Variants in TLE1 observed in about 807,000 individuals in gnomAD.
TLE1 encodes the protein TLE family member 1, transcriptional corepressor, also known as transducin-like enhancer protein 1.
In TLE1, 21 loss-of-function variants were observed where a neutral mutation model predicts 89.8. The ratio of observed to expected loss-of-function variants is 0.23; its 90% CI spans 0.17 to 0.34. TLE1 has a LOEUF of 0.34. Ranked by LOEUF, TLE1 falls within the 10% of genes least tolerant of loss-of-function variation. TLE1 has a pLI of 1.00. For synonymous variants in TLE1, 447 were observed against 407.6 expected (o/e 1.10, Z -1.16); for missense variants, 795 against 1,031.2 (o/e 0.77, Z 3.14).
chr9:81,688,041 T>TA (rs936534526), intron 1 of TLE1, among the ~76,000 whole-genome samples, 176 bp downstream of exon 1: 6 of 151,540 alleles, frequency 4.0e-5, no homozygotes, highest in South Asian at 2.1e-4. Flanking sequence ...GGGAGAAAAT[T>TA]AAGAGTTTCG....
At chr9:81,643,068 G>C (rs141898955) in intron 6 of TLE1, among the ~76,000 whole-genome samples, 1 of 152,094 alleles carries the variant, frequency 6.6e-6, no homozygotes, top group Non-Finnish European at 1.5e-5. Flanking sequence ...GCTGCCTTGC[G>C]GGGTAGGGGA....
chr9:81,686,265 G>C (rs1248839328), intron 2 of TLE1, among the ~76,000 whole-genome samples: 1 of 152,168 alleles, frequency 6.6e-6, no homozygotes, highest in Non-Finnish European at 1.5e-5. Context: ...CTTAGGCATA[G>C]GCTGTGCCAT....
chr9:81,677,640 C>T (rs1588235463), intron 4 of TLE1, among the ~76,000 whole-genome samples: 2 of 151,820 alleles, frequency 1.3e-5, no homozygotes, highest in Admixed American at 1.3e-4. Context: ...GTACGTATAC[C>T]TAGACTAGTA....
At chr9:81,642,033 G>A (rs1449905803) in intron 6 of TLE1, among the ~76,000 whole-genome samples, 4 of 139,042 alleles carry the variant, frequency 2.9e-5, no homozygotes, top group African/African-American at 3.4e-5. Flanking sequence ...CAAAAAAAAA[G>A]AAAGAAAGAA....
intron 14 of TLE1, among the ~76,000 whole-genome samples, chr9:81,603,296 T>C (rs1255806549): frequency 1.3e-5 from 2 of 152,182 alleles, no homozygotes; most frequent in African/African-American, 4.8e-5. Flanking sequence ...AATTCTGCCT[T>C]GGATTTTGTG....
At chr9:81,683,856 C>G (rs1833924196) in intron 4 of TLE1, among the ~76,000 whole-genome samples, 1 of 152,014 alleles carries the variant, frequency 6.6e-6, no homozygotes. Flanking sequence ...CATTAGAAAA[C>G]TATTCTCACA....
At chr9:81,679,505 G>T (rs756300240) in intron 4 of TLE1, among the ~76,000 whole-genome samples, 4 of 151,448 alleles carry the variant, frequency 2.6e-5, no homozygotes, top group African/African-American at 4.9e-5. Flanking sequence ...ACCTCACGGG[G>T]AAAAAAAATC....
At chr9:81,643,244 GT>G (rs60666250) in intron 6 of TLE1, among the ~76,000 whole-genome samples, 32,532 of 147,558 alleles carry the variant, frequency 0.22, 3,975 homozygotes, top group East Asian at 0.48. Context: ...TTGTTTTTTG[GT>G]TTTTTTTTTT....
intron 6 of TLE1, among the ~76,000 whole-genome samples, chr9:81,637,028 A>T (rs11999172): frequency 2.0e-5 from 3 of 151,856 alleles, no homozygotes; most frequent in African/African-American, 4.8e-5. Flanking sequence ...AAAAAAGAAA[A>T]AAAAAGATTT....
rs140201906 is a variant in TLE1 at position 81,611,859 on chromosome 9, G to A, written c.1164C>T (p.Gly388=). Residue 388 remains glycine, a synonymous_variant, in exon 13 of 20, where the codon GGC becomes GGT. Transcript: ENST00000376499. ...AGMNGELTSP[G]AAYASLHNMS... ...TGTTGTGTAAACTGGCGTAGGCAGC[G>A]CCTGGGCTGGTCAGCTCGCCGTTCA... 32 of 1,560,750 alleles carry A rather than the reference G, an allele frequency of 2.1e-5. No individual in the cohort carries two copies. The highest frequency in any genetic ancestry group is 5.1e-5 in the East Asian group (2 of 39,434).
intron 12 of TLE1, 39 bp downstream of exon 12, chr9:81,613,338 G>A: frequency 6.2e-7 from 1 of 1,602,840 alleles, no homozygotes; most frequent in Non-Finnish European, 8.5e-7. Context: ...CTGGGAATGG[G>A]AGAAACCAAA....
At chr9:81,607,755 C>T (rs1165924415) in intron 14 of TLE1, among the ~76,000 whole-genome samples, 1 of 152,068 alleles carries the variant, frequency 6.6e-6, no homozygotes, top group Non-Finnish European at 1.5e-5. Context: ...TTCCCAAATT[C>T]CCAAGAAAAC....
chr9:81,584,588 C>CT, intron 18 of TLE1, 64 bp from the exon 19 acceptor site: 1 of 1,487,138 alleles, frequency 6.7e-7, no homozygotes, highest in South Asian at 1.2e-5. Flanking sequence ...CAATTAGCAA[C>CT]TTGGACTTAA....
intron 8 of TLE1, among the ~76,000 whole-genome samples, chr9:81,625,320 C>A (rs1436310697): frequency 6.6e-6 from 1 of 152,160 alleles, no homozygotes. Context: ...AACAGAATGG[C>A]TATGACAGCA....
At chr9:81,680,922 A>C (rs1833534351) in intron 4 of TLE1, among the ~76,000 whole-genome samples, 1 of 150,640 alleles carries the variant, frequency 6.6e-6, no homozygotes, top group Non-Finnish European at 1.5e-5. Flanking sequence ...ACAAAAACAC[A>C]CAGGGTTAAA....
intron 19 of TLE1, 71 bp downstream of exon 19, chr9:81,584,377 C>A: frequency 6.2e-7 from 1 of 1,607,236 alleles, no homozygotes; most frequent in South Asian, 1.1e-5. Flanking sequence ...CCCTCGGAGG[C>A]ACCTTCACTC....
chr9:81,590,813 T>A lies in TLE1; in HGVS notation c.1821A>T (p.Thr607=). 1 of 1,613,934 alleles carries A rather than the reference T, an allele frequency of 6.2e-7. No homozygotes were observed. The highest frequency in any genetic ancestry group is 1.1e-5 in the South Asian group (1 of 91,062). The change falls in exon 16 of 20, where the codon ACA becomes ACT. Residue 607 remains threonine (T), a synonymous_variant. Coordinates refer to ENST00000376499, the MANE Select transcript of TLE1 (RefSeq NM_005077.5). ...CGACCATCTTTGCTCACCTCACTAGTGTCTGGTTGTGCAGATCCCACACAG... is the reference window on the plus strand; with the variant it reads ...CGACCATCTTTGCTCACCTCACTAGAGTCTGGTTGTGCAGATCCCACACAG... ...NIAVWDLHNQ[T]LVRQFQGHTD... is the part of the protein sequence containing the mutation.
chr9:81,601,287 C>G (rs916554635), intron 14 of TLE1, among the ~76,000 whole-genome samples: 2 of 152,212 alleles, frequency 1.3e-5, no homozygotes, highest in Non-Finnish European at 2.9e-5. Flanking sequence ...GAAAGGGTCT[C>G]TAATCACTGC....
intron 6 of TLE1, among the ~76,000 whole-genome samples, chr9:81,651,442 G>A (rs902597359): frequency 1.3e-4 from 20 of 152,104 alleles, no homozygotes; most frequent in African/African-American, 9.7e-5. Context: ...TGGCTAGCAC[G>A]GAGCACTAAC....
Sources: allele counts gnomAD v4.1 joint callset (sites outside exome capture counted in the v4.1 genomes callset), GRCh38; gene constraint gnomAD v4.1.1; transcripts MANE v1.5; gene names NCBI Gene and HGNC (gene_info 2026-07-23, HGNC 2026-07-21).